Variants in OTOGL observed in about 807,000 individuals in gnomAD.
OTOGL encodes the protein otogelin like, also known as otogelin-like protein.
In OTOGL, 285 loss-of-function variants were observed where a neutral mutation model predicts 318.5. The ratio of observed to expected loss-of-function variants is 0.89; its 90% CI spans 0.81 to 0.99. The LOEUF is 0.99. Ranked by LOEUF, OTOGL falls within the 50% of genes least tolerant of loss-of-function variation. OTOGL has a pLI of 0.00. For missense variants in OTOGL, 2,899 were observed against 2,845.6 expected (o/e 1.02, Z -0.43); for synonymous variants, 987 against 936.5 (o/e 1.05, Z -0.99).
At chr12:80,256,496 T>TCAAGCAAA in intron 17 of OTOGL, 36 bp downstream of exon 17, 2 of 1,391,490 alleles carry the variant, frequency 1.4e-6, no homozygotes, top group Non-Finnish European at 1.9e-6. Context: ...TTTCTTTACA[T>TCAAGCAAA]CAAACAAACA....
At chr12:80,111,188 C>T (rs534099024) in intron 1 of OTOGL, among the ~76,000 whole-genome samples, 2 of 152,242 alleles carry the variant, frequency 1.3e-5, no homozygotes, top group Admixed American at 6.5e-5. Flanking sequence ...AAAATTTTCT[C>T]GCATTCTGTA....
In OTOGL at chr12:80,233,746, G is replaced by A. The variant is rs78819057; in HGVS notation, c.817+649G>A. Reference sequence around the variant, plus strand: ...ATCACAAACCATAATCATGACTTAGGTCCATACAAGGAAGTGCAATAAGAA... The same window carrying A: ...ATCACAAACCATAATCATGACTTAGATCCATACAAGGAAGTGCAATAAGAA... On this transcript the variant is annotated intron_variant, in intron 9 of 58. Transcript: ENST00000547103. Among the ~76,000 whole-genome samples the A allele has an allele frequency of 1.9e-3, 285 of 152,280 alleles. 4 individuals are homozygous for A. The highest frequency in any genetic ancestry group is 6.5e-3 in the African/African-American group (271 of 41,568).
chr12:80,265,254 G>C (rs1882864822), intron 20 of OTOGL, 44 bp downstream of exon 20: 16 of 1,538,864 alleles, frequency 1.0e-5, no homozygotes, highest in Non-Finnish European at 1.4e-5. Flanking sequence ...TAATACCTTA[G>C]AGACCTCTAT....
intron 11 of OTOGL, among the ~76,000 whole-genome samples, chr12:80,242,676 T>G (rs1880484103): frequency 6.6e-6 from 1 of 152,100 alleles, no homozygotes; most frequent in Non-Finnish European, 1.5e-5. Context: ...CTTTTGAGTA[T>G]CTATTCTGAG....
intron 11 of OTOGL, among the ~76,000 whole-genome samples, chr12:80,249,780 A>C (rs1205310398): frequency 2.0e-5 from 3 of 151,952 alleles, no homozygotes; most frequent in African/African-American, 7.3e-5. Context: ...GCCGCCTTGC[A>C]GTTTGATCTC....
At chr12:80,347,718 A>AACTAATTTAC (rs1244171716) in intron 44 of OTOGL, among the ~76,000 whole-genome samples, 1 of 151,946 alleles carries the variant, frequency 6.6e-6, no homozygotes, top group Non-Finnish European at 1.5e-5. Flanking sequence ...ATAATTATTG[A>AACTAATTTAC]ACTAATTTAC....
At chr12:80,235,101 T>A (rs141350948) in intron 9 of OTOGL, among the ~76,000 whole-genome samples, 1 of 152,042 alleles carries the variant, frequency 6.6e-6, no homozygotes, top group Admixed American at 6.6e-5. Context: ...TTTATTTTTC[T>A]TCTGTATCAA....
At position 80,251,702 on chromosome 12, in the gene OTOGL, T is replaced by C. The variant is rs569868533; in HGVS notation, c.1062T>C (p.Asp354=). The change falls in exon 12 of 59, where the codon GAT becomes GAC. Residue 354 remains aspartate, a synonymous_variant. Coordinates refer to ENST00000547103, the MANE Select transcript of OTOGL (RefSeq NM_001378609.3). ...SCVNDLCKTD[D]DETYCRAATE... is the part of the protein sequence containing the mutation. ...TCTTTTCACTTTCTAGAACTGATGA[T>C]GATGAAACCTATTGCCGAGCAGCCA... The C allele has an allele frequency of 1.3e-6, 2 of 1,586,348 alleles. No homozygotes were observed. The highest frequency in any genetic ancestry group is 1.7e-6 in the Non-Finnish European group (2 of 1,164,924).
chr12:80,169,706 A>T (rs138221357), intron 1 of OTOGL, among the ~76,000 whole-genome samples: 35 of 152,292 alleles, frequency 2.3e-4, no homozygotes, highest in African/African-American at 7.7e-4. Context: ...AGCCTTGGCC[A>T]TAATTGATCT....
intron 23 of OTOGL, among the ~76,000 whole-genome samples, chr12:80,271,172 A>C (rs908142897): frequency 6.6e-6 from 1 of 152,122 alleles, no homozygotes; most frequent in Non-Finnish European, 1.5e-5. Flanking sequence ...GCCTTCTCAC[A>C]GAGGAACCCA....
intron 1 of OTOGL, among the ~76,000 whole-genome samples, chr12:80,149,397 G>T (rs1465664326): frequency 6.6e-6 from 1 of 152,206 alleles, no homozygotes. Context: ...AGGGGTCAGG[G>T]ACCCACTTGA....
intron 1 of OTOGL, among the ~76,000 whole-genome samples, chr12:80,195,833 A>G (rs888487691): frequency 2.6e-5 from 4 of 152,242 alleles, no homozygotes; most frequent in African/African-American, 9.6e-5. Flanking sequence ...TATTTATACC[A>G]TGGACATCTG....
chr12:80,213,508 G>C (rs543412485), intron 4 of OTOGL, among the ~76,000 whole-genome samples: 1 of 152,198 alleles, frequency 6.6e-6, no homozygotes, highest in East Asian at 1.9e-4. Flanking sequence ...ATTTTACCCA[G>C]CCCCTATTCA....
In OTOGL at chr12:80,378,828, C is replaced by T. The variant is rs1891322539; in HGVS notation, c.*780C>T. On this transcript the variant is annotated 3_prime_UTR_variant, in exon 59 of 59. Coordinates refer to ENST00000547103, the MANE Select transcript of OTOGL (RefSeq NM_001378609.3). Reference sequence around the variant, plus strand: ...ACATATTTGAAAAATGCCCCCCATACATTGTTATTCCAATAGTAAGGAGCA... The same window carrying T: ...ACATATTTGAAAAATGCCCCCCATATATTGTTATTCCAATAGTAAGGAGCA... 6.6e-6 allele frequency: 1 copy of T among 152,028 alleles called. No individual in the cohort carries two copies. The highest frequency in any genetic ancestry group is 1.5e-5 in the Non-Finnish European group (1 of 67,926). The allele number at this position is 152,028 out of a possible 1,614,324, so 9.4% of individuals were successfully genotyped here.
intron 7 of OTOGL, among the ~76,000 whole-genome samples, chr12:80,228,266 C>T (rs1194930013): frequency 2.0e-5 from 3 of 151,920 alleles, no homozygotes; most frequent in African/African-American, 7.3e-5. Context: ...CATAGTGAAA[C>T]CCCATCTCTA....
chr12:80,266,647 T>C, intron 21 of OTOGL, 31 bp downstream of exon 21: 2 of 1,586,000 alleles, frequency 1.3e-6, no homozygotes, highest in Non-Finnish European at 1.7e-6. Context: ...GGCAGCATCC[T>C]GTTTTAATCT....
At chr12:80,285,635 G>C (rs1326536893) in intron 26 of OTOGL, among the ~76,000 whole-genome samples, 1 of 151,920 alleles carries the variant, frequency 6.6e-6, no homozygotes, top group Non-Finnish European at 1.5e-5. Context: ...TTTCTTTATA[G>C]CAATTATGAA....
intron 52 of OTOGL, among the ~76,000 whole-genome samples, chr12:80,362,978 A>G (rs1332117245): frequency 6.6e-6 from 1 of 152,066 alleles, no homozygotes; most frequent in African/African-American, 2.4e-5. Flanking sequence ...TATTTTCTAG[A>G]GACAGAGTCT....
At chr12:80,226,172 C>T (rs868287987) in intron 7 of OTOGL, among the ~76,000 whole-genome samples, 62 of 104,558 alleles carry the variant, frequency 5.9e-4, no homozygotes, top group Admixed American at 7.5e-4. Context: ...ACCCTTCCTG[C>T]TCCTAACACA....
Sources: gnomAD v4.1 joint callset for allele counts (sites outside exome capture counted in the v4.1 genomes callset) on GRCh38, gnomAD v4.1.1 for gene constraint, MANE v1.5 for transcripts, NCBI Gene and HGNC (gene_info 2026-07-23, HGNC 2026-07-21) for gene names.